TSPEAR: variants seen among roughly 807,000 people sequenced by gnomAD.
TSPEAR encodes thrombospondin type laminin G domain and EAR repeats.
TSPEAR carries 69 observed loss-of-function variants against 71.6 expected under a neutral mutation model. That is an observed-to-expected ratio of 0.96 (90% CI 0.79 to 1.18). TSPEAR has a LOEUF of 1.18. Ranked by LOEUF, TSPEAR falls within the 50% of genes most tolerant of loss-of-function variation. The pLI is 0.00. For missense variants in TSPEAR, 971 were observed against 894.9 expected (o/e 1.09, Z -1.09); for synonymous variants, 402 against 387.2 (o/e 1.04, Z -0.45).
At chr21:44,518,494 T>G in intron 9 of TSPEAR, 1 of 390,146 alleles carries the variant, frequency 2.6e-6, no homozygotes, top group Non-Finnish European at 5.4e-6. Context: ...ACTGCAGGGA[T>G]CCTTTCTCTT....
At chr21:44,669,042 A>G (rs10854464) in intron 1 of TSPEAR, among the ~76,000 whole-genome samples, 1 of 151,976 alleles carries the variant, frequency 6.6e-6, no homozygotes, top group Non-Finnish European at 1.5e-5. Flanking sequence ...CTTGAAGCAC[A>G]TCAATAGAAA....
chr21:44,682,063 G>A (rs1201650844), intron 1 of TSPEAR: 2 of 1,613,928 alleles, frequency 1.2e-6, no homozygotes, highest in Non-Finnish European at 1.7e-6. Flanking sequence ...CAGGATGCCT[G>A]GCAGGGGCTG....
At chr21:44,616,894 A>T (rs1982137703) in intron 1 of TSPEAR, among the ~76,000 whole-genome samples, 1 of 152,204 alleles carries the variant, frequency 6.6e-6, no homozygotes. Context: ...CGAACAACCC[A>T]GCGAATTCAA....
chr21:44,579,675 C>T (rs1386159204), intron 1 of TSPEAR: 34 of 1,517,176 alleles, frequency 2.2e-5, no homozygotes, highest in Admixed American at 4.0e-5. Context: ...CCGTCCCAAG[C>T]GGGGGCAACC....
At chr21:44,549,277 A>G (rs1252421831) in intron 2 of TSPEAR, among the ~76,000 whole-genome samples, 3 of 152,158 alleles carry the variant, frequency 2.0e-5, no homozygotes, top group Non-Finnish European at 4.4e-5. Context: ...GGAAAGAAGA[A>G]GAAAGACATG....
At chr21:44,539,629 G>A (rs1392550942) in intron 2 of TSPEAR, 4 of 1,613,556 alleles carry the variant, frequency 2.5e-6, no homozygotes, top group Middle Eastern at 1.6e-4. Flanking sequence ...GGGAGGAGGT[G>A]CAGCAAGCTG....
chr21:44,671,783 GA>G (rs1307300183), intron 1 of TSPEAR, among the ~76,000 whole-genome samples: 3 of 151,960 alleles, frequency 2.0e-5, no homozygotes, highest in Non-Finnish European at 4.4e-5. Context: ...AAGGACTCAA[GA>G]AACATGAAAA....
chr21:44,690,119 C>G (rs2146311186), intron 1 of TSPEAR, among the ~76,000 whole-genome samples: 1 of 152,068 alleles, frequency 6.6e-6, no homozygotes, highest in Non-Finnish European at 1.5e-5. Context: ...TCAGTATTAA[C>G]CATCACCATG....
intron 1 of TSPEAR, among the ~76,000 whole-genome samples, chr21:44,603,303 C>G (rs781806530): frequency 6.6e-6 from 1 of 152,196 alleles, no homozygotes; most frequent in Non-Finnish European, 1.5e-5. Flanking sequence ...CTCTCTGGCA[C>G]CAGGGCTACA....
At chr21:44,707,857 C>A (rs1252346087) in intron 1 of TSPEAR, among the ~76,000 whole-genome samples, 1 of 152,096 alleles carries the variant, frequency 6.6e-6, no homozygotes, top group Non-Finnish European at 1.5e-5. Context: ...GCCACAAGCC[C>A]TAGGCCCATT....
At chr21:44,563,151 A>T (rs1555921318) in intron 2 of TSPEAR, among the ~76,000 whole-genome samples, 1 of 152,310 alleles carries the variant, frequency 6.6e-6, no homozygotes, top group East Asian at 1.9e-4. Flanking sequence ...TAGTAATGTG[A>T]ATCCACAGGA....
In TSPEAR at chr21:44,499,359, GCGGCAATGGCGGGA is replaced by G. The variant is rs1398155695; in HGVS notation, c.*410_*423del. Reference sequence around the variant, plus strand: ...TCAGATAAAACACAATAAATAGGTGGCGGCAATGGCGGGACGGCACCACACCTGCTCAGGCGGCC... The same window carrying G: ...TCAGATAAAACACAATAAATAGGTGGCGGCACCACACCTGCTCAGGCGGCC... On this transcript the variant is annotated 3_prime_UTR_variant, in exon 12 of 12. Coordinates refer to ENST00000323084, the MANE Select transcript of TSPEAR (RefSeq NM_144991.3). The G allele has an allele frequency of 5.7e-6, 1 of 175,056 alleles. No homozygotes were observed. Among genetic ancestry groups the G allele is most frequent in the Non-Finnish European group, 1.2e-5 (1 of 82,334 alleles). 10.8% of individuals were successfully genotyped at this position (175,056 alleles called of 1,614,324 possible). A position where few individuals can be genotyped will look rare whatever the true frequency, so the allele number is the denominator to read the frequency against.
At chr21:44,590,121 G>A (rs951009401) in intron 1 of TSPEAR, among the ~76,000 whole-genome samples, 2 of 152,244 alleles carry the variant, frequency 1.3e-5, no homozygotes, top group Non-Finnish European at 2.9e-5. Context: ...GGAGCTCCAT[G>A]GGGTGGGACT....
chr21:44,612,693 GCA>G lies in TSPEAR; in HGVS notation c.83-44690_83-44689del. The G allele has an allele frequency of 6.2e-7, 1 of 1,613,754 alleles. No individual in the cohort carries two copies. ...AAGTCTAGCTGCCAGCCGGCTTGCT[GCA>G]CCACCTCCTGCTGCAGACCCTCCTC... On this transcript the variant is annotated intron_variant, in intron 1 of 11. Transcript: ENST00000323084. This position sits in a 1 kb window ranked among gnomAD's most constrained non-coding sequence, Gnocchi z 4.1.
intron 1 of TSPEAR, among the ~76,000 whole-genome samples, chr21:44,598,891 T>A (rs782426786): frequency 4.6e-5 from 7 of 152,344 alleles, no homozygotes; most frequent in Non-Finnish European, 7.3e-5. Flanking sequence ...TCCAGAATTG[T>A]TTTGTTTCAT....
At position 44,627,626 on chromosome 21, in the gene TSPEAR, C is replaced by G. The variant is rs200692415; in HGVS notation, c.83-59621G>C. 14 of 1,612,726 alleles carry G rather than the reference C, an allele frequency of 8.7e-6. 1 individual carries two copies. In the South Asian group the frequency reaches 1.5e-4, roughly 18 times the overall value. ...GTCTGCTGCAAACCTGTGTGCTGTG[C>G]GCCCACCTGCTCTGAGGATTCCTAT... On this transcript the variant is annotated intron_variant, in intron 1 of 11. Coordinates refer to ENST00000323084, the MANE Select transcript of TSPEAR (RefSeq NM_144991.3).
chr21:44,569,586 G>A (rs587611633), intron 1 of TSPEAR, among the ~76,000 whole-genome samples: 1 of 152,290 alleles, frequency 6.6e-6, no homozygotes, highest in Admixed American at 6.5e-5. Context: ...TGCAGATGGA[G>A]GGAGCACAGT....
At chr21:44,595,520 T>C (rs1303295222) in intron 1 of TSPEAR, among the ~76,000 whole-genome samples, 8 of 152,224 alleles carry the variant, frequency 5.3e-5, no homozygotes, top group Non-Finnish European at 1.2e-4. Flanking sequence ...CTACAGAGCC[T>C]GAATGAAGTT....
At position 44,687,257 on chromosome 21, in the gene TSPEAR, C is replaced by T. The variant is rs1367905282; in HGVS notation, c.82+24176G>A. Among the ~76,000 whole-genome samples the T allele has an allele frequency of 2.6e-5, 4 of 152,132 alleles. No homozygotes were observed. Among genetic ancestry groups the T allele is most frequent in the Admixed American group, 2.0e-4 (3 of 15,270 alleles). ...TCAGCTCAGCAGGAGGAAGGGTCCCCTGAAAGCCAGGGCTCCCAGTGACAC... is the reference window on the plus strand; with the variant it reads ...TCAGCTCAGCAGGAGGAAGGGTCCCTTGAAAGCCAGGGCTCCCAGTGACAC... On this transcript the variant is annotated intron_variant, in intron 1 of 11. Coordinates refer to ENST00000323084, the MANE Select transcript of TSPEAR (RefSeq NM_144991.3). This position sits in a 1 kb window ranked among gnomAD's most constrained non-coding sequence, Gnocchi z 4.4.
Sources: allele counts gnomAD v4.1 joint callset (sites outside exome capture counted in the v4.1 genomes callset), GRCh38; gene constraint gnomAD v4.1.1; non-coding constraint Gnocchi (gnomAD v3.1); transcripts MANE v1.5; gene names NCBI Gene and HGNC (gene_info 2026-07-23, HGNC 2026-07-21).